FRMD4A: variants seen among roughly 807,000 people sequenced by gnomAD.
FRMD4A encodes the protein FERM domain-containing protein 4A.
A neutral mutation model predicts 129.1 loss-of-function variants in FRMD4A; 29 were observed. The observed-to-expected ratio is 0.22, with a 90% CI of 0.17 to 0.31. FRMD4A has a LOEUF of 0.31. FRMD4A is among the 10% of genes least tolerant of loss of function. FRMD4A has a pLI of 1.00. For missense variants in FRMD4A, 1,272 were observed against 1,375.8 expected, an observed-to-expected ratio of 0.92 and a Z score of 1.19; for synonymous variants, 634 against 571.6, an observed-to-expected ratio of 1.11 and a Z score of -1.56.
chr10:14,055,328 C>T (rs146027846), intron 2 of FRMD4A, among the ~76,000 whole-genome samples: 6 of 152,224 alleles, frequency 3.9e-5, no homozygotes, highest in East Asian at 1.9e-4. Flanking sequence ...TTCATCCTCA[C>T]GTCTTTATGA....
intron 2 of FRMD4A, among the ~76,000 whole-genome samples, chr10:14,009,818 G>GC (rs2095674879): frequency 6.6e-6 from 1 of 152,184 alleles, no homozygotes; most frequent in African/African-American, 2.4e-5. Context: ...GAGAGACGGG[G>GC]AGACGGAAAC....
At chr10:13,665,285 C>T (rs1228505221) in intron 18 of FRMD4A, among the ~76,000 whole-genome samples, 1 of 151,988 alleles carries the variant, frequency 6.6e-6, no homozygotes, top group Non-Finnish European at 1.5e-5. Context: ...TGTTTCCAGA[C>T]TGAAACTCGG....
At chr10:14,291,360 A>C (rs1000272696) in intron 2 of FRMD4A, among the ~76,000 whole-genome samples, 1 of 152,152 alleles carries the variant, frequency 6.6e-6, no homozygotes, top group Admixed American at 6.5e-5. Context: ...CATGGGTTTT[A>C]TTTTGAAAAG....
At chr10:14,222,290 T>G (rs1843286869) in intron 2 of FRMD4A, among the ~76,000 whole-genome samples, 1 of 152,222 alleles carries the variant, frequency 6.6e-6, no homozygotes, top group African/African-American at 2.4e-5. Context: ...CAGTGAGCCT[T>G]GCTTAGCAAA....
At chr10:13,767,015 G>A (rs1039267548) in intron 6 of FRMD4A, among the ~76,000 whole-genome samples, 2 of 152,150 alleles carry the variant, frequency 1.3e-5, no homozygotes, top group Non-Finnish European at 2.9e-5. Context: ...GGAGGTTGCA[G>A]TGAGCCGAGA....
At chr10:14,188,807 G>T (rs1842227773) in intron 2 of FRMD4A, among the ~76,000 whole-genome samples, 1 of 152,228 alleles carries the variant, frequency 6.6e-6, no homozygotes, top group Non-Finnish European at 1.5e-5. Context: ...TTGGGAGGCT[G>T]GGGTGGGAGG....
chr10:13,780,037 C>A (rs949676808), intron 6 of FRMD4A, among the ~76,000 whole-genome samples: 1 of 151,952 alleles, frequency 6.6e-6, no homozygotes, highest in African/African-American at 2.4e-5. Context: ...TTAAAATGTT[C>A]TTTTAGGGCC....
chr10:14,017,669 C>A (rs549540503), intron 2 of FRMD4A, among the ~76,000 whole-genome samples: 1 of 152,300 alleles, frequency 6.6e-6, no homozygotes, highest in South Asian at 2.1e-4. Flanking sequence ...TCTGGTGCTG[C>A]AAAGGACAAT....
chr10:13,789,782 T>C (rs996253724), intron 5 of FRMD4A, among the ~76,000 whole-genome samples: 99 of 149,980 alleles, frequency 6.6e-4, no homozygotes, highest in African/African-American at 2.3e-3. Flanking sequence ...TGTGTGTGTG[T>C]GTGTGTGTGT....
chr10:13,826,946 C>G (rs946873060), intron 3 of FRMD4A, among the ~76,000 whole-genome samples: 3 of 152,138 alleles, frequency 2.0e-5, no homozygotes, highest in African/African-American at 4.8e-5. Context: ...CCAAAGAAAA[C>G]TTGAGTCTGT....
chr10:14,087,894 G>C (rs1836386548), intron 2 of FRMD4A, among the ~76,000 whole-genome samples: 1 of 152,160 alleles, frequency 6.6e-6, no homozygotes, highest in African/African-American at 2.4e-5. Context: ...AGACTGAGAG[G>C]ATTGCTTTTG....
intron 6 of FRMD4A, among the ~76,000 whole-genome samples, chr10:13,771,399 C>T (rs999205656): frequency 6.6e-6 from 1 of 152,180 alleles, no homozygotes; most frequent in African/African-American, 2.4e-5. Flanking sequence ...CCAATTTGGA[C>T]AAGATCTGCA....
chr10:13,875,206 G>A (rs1018690870), intron 2 of FRMD4A, among the ~76,000 whole-genome samples: 1 of 152,160 alleles, frequency 6.6e-6, no homozygotes, highest in South Asian at 2.1e-4. Flanking sequence ...ACAAAGAAGG[G>A]GGAGCTAATC....
chr10:13,958,953 G>C (rs1565114807), intron 2 of FRMD4A, among the ~76,000 whole-genome samples: 1 of 152,208 alleles, frequency 6.6e-6, no homozygotes, highest in African/African-American at 2.4e-5. Flanking sequence ...GGATGGTTGA[G>C]ATGTAGTCTT....
chr10:13,660,621 T>C, intron 19 of FRMD4A, 68 bp from the exon 20 acceptor site: 1 of 945,384 alleles, frequency 1.1e-6, no homozygotes, highest in Non-Finnish European at 1.7e-6. Flanking sequence ...ACAGAACCCC[T>C]ACACCCCTCC....
intron 2 of FRMD4A, among the ~76,000 whole-genome samples, chr10:13,969,735 A>G (rs1241770175): frequency 7.1e-6 from 1 of 140,924 alleles, no homozygotes; most frequent in Non-Finnish European, 1.6e-5. Context: ...GGTCCCAGCT[A>G]TTTGGGAGGC....
Position 14,071,694 on chromosome 10 carries a change from G to A in FRMD4A, c.46-212782C>T, listed in dbSNP as rs1022508529. 2.6e-5 allele frequency among the ~76,000 whole-genome samples: 4 copies of A among 152,098 alleles called. No homozygotes were observed. In the South Asian group the frequency reaches 8.4e-4, roughly 32 times the overall value. ...TTTAGGAGGTAAGTGGACTGGGCTT[G>A]GGTGTTCTTGGTGGCTTAGGATATG... is the stretch of plus-strand genomic sequence containing the variant. On this transcript the variant is annotated intron_variant, in intron 2 of 24. Coordinates refer to ENST00000357447, the MANE Select transcript of FRMD4A (RefSeq NM_018027.5).
chr10:14,275,728 C>A (rs1845316176), intron 2 of FRMD4A, among the ~76,000 whole-genome samples: 1 of 152,118 alleles, frequency 6.6e-6, no homozygotes, highest in Admixed American at 6.5e-5. Flanking sequence ...AGAGTCCACC[C>A]CTGTCTTCAA....
intron 2 of FRMD4A, among the ~76,000 whole-genome samples, chr10:13,869,472 G>A (rs538933138): frequency 1.5e-4 from 23 of 152,360 alleles, no homozygotes; most frequent in African/African-American, 4.6e-4. Flanking sequence ...CCGCTGGGGC[G>A]GGTCCACAAT....
Sources: gnomAD v4.1 joint callset for allele counts (sites outside exome capture counted in the v4.1 genomes callset) on GRCh38, gnomAD v4.1.1 for gene constraint, MANE v1.5 for transcripts, NCBI Gene and HGNC (gene_info 2026-07-23, HGNC 2026-07-21) for gene names.